The following ROCK1 variants were observed in gnomAD, a reference collection of about 807,000 sequenced individuals.
ROCK1 encodes the protein rho-associated protein kinase 1.
Under a neutral mutation model 196.8 loss-of-function variants are expected in ROCK1, and 36 were observed. The ratio of observed to expected loss-of-function variants is 0.18; its 90% CI spans 0.14 to 0.24. The LOEUF (loss-of-function observed/expected upper bound fraction) is 0.24. Ranked by LOEUF, ROCK1 falls within the 10% of genes least tolerant of loss-of-function variation. ROCK1 has a pLI of 1.00. For synonymous variants in ROCK1, 443 were observed against 515.9 expected, an observed-to-expected ratio of 0.86 and a Z score of 1.91; for missense variants, 920 against 1,562.0, an observed-to-expected ratio of 0.59 and a Z score of 6.93.
At position 21,045,987 on chromosome 18, in the gene ROCK1, T is replaced by C. The variant is rs375945473; in HGVS notation, c.415-520A>G. ...GTGCAGTGGCGTGATGTCGGCTCAC[T>C]GCAAGCTCCGCCTCCCAGGTTCACG... On this transcript the variant is annotated intron_variant, in intron 4 of 32. Transcript: ENST00000399799. Among the ~76,000 whole-genome samples, 3 of 138,762 alleles carry C rather than the reference T, an allele frequency of 2.2e-5. No homozygotes were observed. The East Asian group carries it at 7.4e-4, about 34-fold the overall frequency. 91.0% of individuals were successfully genotyped at this position (138,762 alleles called of 152,430 possible). A position where few individuals can be genotyped will look rare whatever the true frequency, so the allele number is the denominator to read the frequency against.
At chr18:21,055,883 C>G (rs2143527476) in intron 2 of ROCK1, among the ~76,000 whole-genome samples, 1 of 152,336 alleles carries the variant, frequency 6.6e-6, no homozygotes, top group African/African-American at 2.4e-5. Context: ...TTCAAAACTA[C>G]TTGTCAAAGT....
intron 1 of ROCK1, among the ~76,000 whole-genome samples, chr18:21,082,298 AAACTG>A (rs1157186557): frequency 1.3e-5 from 2 of 152,214 alleles, no homozygotes; most frequent in African/African-American, 4.8e-5. Context: ...CTCTTTCAAA[AAACTG>A]AAGAGAAGGA....
At position 20,952,957 on chromosome 18, in the gene ROCK1, G is replaced by C. The variant is rs28667053; in HGVS notation, c.4061+621C>G. Among the ~76,000 whole-genome samples the C allele has an allele frequency of 2.0e-5, 3 of 152,034 alleles. 1 individual carries two copies. In the East Asian group the frequency reaches 5.8e-4, roughly 29 times the overall value. The stretch of plus-strand genomic sequence containing the variant: ...ATGGACACAGGGAGGGGAACGTCAC[G>C]CACCAGGGCCTGTCGAGGGATGGGG... On this transcript the variant is annotated intron_variant, in intron 32 of 32. Coordinates refer to ENST00000399799, the MANE Select transcript of ROCK1 (RefSeq NM_005406.3).
chr18:21,049,010 A>G, intron 4 of ROCK1, 82 bp downstream of exon 4: 1 of 1,274,548 alleles, frequency 7.8e-7, no homozygotes, highest in Non-Finnish European at 1.0e-6. Flanking sequence ...CTCTACTACT[A>G]TTCTAAAACA....
chr18:21,107,114 T>C (rs1230819927), intron 1 of ROCK1, among the ~76,000 whole-genome samples: 1 of 152,248 alleles, frequency 6.6e-6, no homozygotes, highest in African/African-American at 2.4e-5. Flanking sequence ...TTAATAATTT[T>C]GTGCATGAAA....
At chr18:21,041,270 TAAAAAA>T (rs780115669) in intron 8 of ROCK1, among the ~76,000 whole-genome samples, 3 of 105,178 alleles carry the variant, frequency 2.9e-5, no homozygotes, top group East Asian at 2.6e-4. Context: ...TGTCTCTATT[TAAAAAA>T]AAAAAAAAAA....
intron 2 of ROCK1, among the ~76,000 whole-genome samples, chr18:21,053,503 C>T (rs1270640009): frequency 2.0e-5 from 3 of 152,154 alleles, no homozygotes; most frequent in Non-Finnish European, 4.4e-5. Context: ...TGCCACCTAA[C>T]TTGATAAAAA....
intron 29 of ROCK1, among the ~76,000 whole-genome samples, chr18:20,956,753 T>C (rs2035245762): frequency 1.3e-5 from 2 of 152,064 alleles, no homozygotes; most frequent in Admixed American, 6.6e-5. Context: ...AAGCAACAGA[T>C]TGGGAAATAT....
intron 11 of ROCK1, among the ~76,000 whole-genome samples, chr18:21,022,819 T>C (rs559193057): frequency 3.9e-5 from 6 of 152,276 alleles, no homozygotes; most frequent in African/African-American, 1.4e-4. Context: ...CATTAAACTC[T>C]TGATTTAATA....
chr18:21,006,624 G>C (rs1306993228), intron 15 of ROCK1, 27 bp from the exon 16 acceptor site: 1 of 1,602,804 alleles, frequency 6.2e-7, no homozygotes, highest in South Asian at 1.1e-5. Flanking sequence ...CAAAAAAATA[G>C]GTTTCTGACC....
intron 13 of ROCK1, among the ~76,000 whole-genome samples, chr18:21,014,240 G>A (rs544632704): frequency 2.1e-4 from 32 of 152,218 alleles, no homozygotes; most frequent in African/African-American, 6.5e-4. Context: ...TTTCGAGGTT[G>A]CTGGCTTCTC....
chr18:21,097,433 G>T (rs925554714), intron 1 of ROCK1, among the ~76,000 whole-genome samples: 5 of 152,138 alleles, frequency 3.3e-5, no homozygotes, highest in Non-Finnish European at 7.4e-5. Flanking sequence ...CAAAGGAAAA[G>T]AATTAACTAC....
intron 16 of ROCK1, among the ~76,000 whole-genome samples, chr18:21,005,961 A>G (rs1437601471): frequency 6.6e-6 from 1 of 152,250 alleles, no homozygotes; most frequent in East Asian, 1.9e-4. Context: ...ATGATCATAA[A>G]TATATTAACT....
chr18:21,088,591 A>G (rs1436543431), intron 1 of ROCK1, among the ~76,000 whole-genome samples: 1 of 152,228 alleles, frequency 6.6e-6, no homozygotes, highest in Non-Finnish European at 1.5e-5. Flanking sequence ...GATCATCTGA[A>G]CAAATTTGCT....
At chr18:21,075,917 C>T (rs1199737549) in intron 1 of ROCK1, among the ~76,000 whole-genome samples, 4 of 147,062 alleles carry the variant, frequency 2.7e-5, no homozygotes, top group Admixed American at 6.8e-5. Flanking sequence ...AGCACCACTG[C>T]ACTCCAGCCT....
At chr18:21,079,058 T>A (rs56862148) in intron 1 of ROCK1, among the ~76,000 whole-genome samples, 1,669 of 152,284 alleles carry the variant, frequency 0.011, 34 homozygotes, top group African/African-American at 0.038. Context: ...GGGATTCTTG[T>A]CTGGTTTTTG....
intron 22 of ROCK1, among the ~76,000 whole-genome samples, chr18:20,976,475 A>T (rs769712462): frequency 4.6e-5 from 7 of 152,166 alleles, no homozygotes; most frequent in Non-Finnish European, 1.0e-4. Context: ...AGATCCTGAC[A>T]TACTGGGCCA....
intron 13 of ROCK1, among the ~76,000 whole-genome samples, chr18:21,009,288 C>T (rs2035795971): frequency 6.7e-6 from 1 of 148,886 alleles, no homozygotes; most frequent in Non-Finnish European, 1.5e-5. Context: ...GCTGGGATTA[C>T]AGGCGTGAGT....
chr18:20,972,383 A>G (rs983954479), intron 22 of ROCK1, among the ~76,000 whole-genome samples: 1 of 152,154 alleles, frequency 6.6e-6, no homozygotes, highest in Non-Finnish European at 1.5e-5. Context: ...TGGGGTGCTT[A>G]ACACTCAAGC....
Sources: allele counts gnomAD v4.1 joint callset (sites outside exome capture counted in the v4.1 genomes callset), GRCh38; gene constraint gnomAD v4.1.1; transcripts MANE v1.5; gene names NCBI Gene and HGNC (gene_info 2026-07-23, HGNC 2026-07-21).